Variants in HDX observed in about 807,000 individuals in gnomAD.
The protein encoded by HDX is chromosome X open reading frame 43.
In HDX, 19 loss-of-function variants were observed where a neutral mutation model predicts 45.2. The observed-to-expected ratio is 0.42, with a 90% CI of 0.29 to 0.62. The LOEUF (loss-of-function observed/expected upper bound fraction) is 0.62, where lower values mean the gene tolerates loss of function less well. Ranked by LOEUF, HDX falls within the 20% of genes least tolerant of loss-of-function variation. The probability of loss-of-function intolerance (pLI) is 0.20; values close to 1 mark genes in which losing one functional copy is unlikely to be tolerated. For missense variants in HDX, 532 were observed against 493.9 expected (o/e 1.08, Z -0.73); for synonymous variants, 188 against 172.8 (o/e 1.09, Z -0.69).
At chrX:84,488,979 T>C (rs2040845428) in intron 1 of HDX, among the ~76,000 whole-genome samples, 1 of 111,270 alleles carries the variant, frequency 9.0e-6, no homozygotes, top group Non-Finnish European at 1.9e-5. Flanking sequence ...AGCAATTCCC[T>C]CTCACTCTTA....
At chrX:84,415,141 C>A (rs1026066982) in intron 5 of HDX, among the ~76,000 whole-genome samples, 1 of 111,964 alleles carries the variant, frequency 8.9e-6, no homozygotes, top group African/African-American at 3.2e-5. Context: ...TGGAAACTTT[C>A]ATTTCTTGTG....
At chrX:84,499,659 T>G (rs1450368970) in intron 1 of HDX, among the ~76,000 whole-genome samples, 1 of 112,103 alleles carries the variant, frequency 8.9e-6, no homozygotes, top group African/African-American at 3.2e-5. Flanking sequence ...CAGACTGCTT[T>G]TAATCTATGT....
At chrX:84,337,126 C>T (rs2036983525) in intron 7 of HDX, among the ~76,000 whole-genome samples, 2 of 109,794 alleles carry the variant, frequency 1.8e-5, no homozygotes, top group Non-Finnish European at 3.8e-5. Context: ...AAACTGTATC[C>T]TTAACAATGG....
chrX:84,466,979 T>A (rs1324940010), intron 4 of HDX, among the ~76,000 whole-genome samples: 1 of 111,456 alleles, frequency 9.0e-6, no homozygotes, highest in Non-Finnish European at 1.9e-5. Flanking sequence ...CTACTATTAT[T>A]AAGAACAACA....
chrX:84,330,390 T>C, intron 9 of HDX, among the ~76,000 whole-genome samples: 1 of 111,862 alleles, frequency 8.9e-6, no homozygotes, highest in African/African-American at 3.2e-5. Flanking sequence ...TTTTGTTGTT[T>C]CAATTGAGAG....
intron 3 of HDX, among the ~76,000 whole-genome samples, chrX:84,472,300 CA>C (rs1419586382): frequency 9.0e-6 from 1 of 111,063 alleles, no homozygotes; most frequent in Non-Finnish European, 1.9e-5. Context: ...GTGTACCCAT[CA>C]AAAAGTAAAA....
In HDX at chrX:84,361,559, A is replaced by G. The variant is rs747518037; in HGVS notation, c.1359T>C (p.Tyr453=). The G allele has an allele frequency of 5.8e-6, 7 of 1,204,448 alleles. No homozygotes were observed. In the South Asian group the frequency reaches 8.9e-5, roughly 15 times the overall value. ...SDRDLATLKK[Y]WDNGMTSLGS... ...CCAGGCTGGTCATGCCATTGTCCCA[A>G]TACTTCTTAAGGGTGGCTAAGTCTC... The change falls in exon 6 of 11, where the codon TAT becomes TAC. Residue 453 remains tyrosine, a synonymous_variant. Coordinates refer to ENST00000373177, the MANE Select transcript of HDX (RefSeq NM_001177479.2).
At chrX:84,459,504 A>G (rs979777867) in intron 4 of HDX, among the ~76,000 whole-genome samples, 10 of 111,431 alleles carry the variant, frequency 9.0e-5, no homozygotes, top group Non-Finnish European at 1.9e-4. Flanking sequence ...AACAAATGAA[A>G]ATGATAAAAC....
intron 3 of HDX, 26 bp from the exon 4 acceptor site, chrX:84,469,601 G>GAA: frequency 9.2e-7 from 1 of 1,088,023 alleles, no homozygotes; most frequent in Non-Finnish European, 1.2e-6. Flanking sequence ...ATGGTATTAT[G>GAA]AAAAAAAAAT....
intron 5 of HDX, among the ~76,000 whole-genome samples, chrX:84,401,481 G>C (rs1230688750): frequency 2.7e-5 from 3 of 112,124 alleles, no homozygotes; most frequent in Non-Finnish European, 5.6e-5. Flanking sequence ...GATCATTAGA[G>C]AAATGCAAAT....
chrX:84,404,516 T>G (rs2038773951), intron 5 of HDX, among the ~76,000 whole-genome samples: 1 of 111,413 alleles, frequency 9.0e-6, no homozygotes, highest in Admixed American at 9.6e-5. Context: ...ACCAATTCAA[T>G]TCAATATGTT....
rs757368635 is a variant in HDX at position 84,440,595 on chromosome X, C to T, written c.1252-10G>A. The T allele has an allele frequency of 8.8e-7, 1 of 1,136,108 alleles. No individual in the cohort carries two copies. The highest frequency in any genetic ancestry group is 1.8e-5 in the African/African-American group (1 of 55,474). 93.6% of individuals were successfully genotyped at this position (1,136,108 alleles called of 1,213,427 possible). On this transcript the variant is annotated splice_polypyrimidine_tract_variant and intron_variant, in intron 4 of 10. Coordinates refer to ENST00000373177, the MANE Select transcript of HDX (RefSeq NM_001177479.2). The stretch of plus-strand genomic sequence containing the variant: ...TAAGGTTTCCTGAAATCTGTGAAAA[C>T]AATAAATGGAATCTCAGTAAGCTAT...
intron 1 of HDX, among the ~76,000 whole-genome samples, chrX:84,494,980 G>T (rs1217879758): frequency 9.0e-6 from 1 of 111,351 alleles, no homozygotes; most frequent in Non-Finnish European, 1.9e-5. Flanking sequence ...AGAAAATGTG[G>T]CATATATACA....
intron 5 of HDX, among the ~76,000 whole-genome samples, chrX:84,381,494 T>C (rs1322488895): frequency 9.0e-6 from 1 of 110,500 alleles, no homozygotes; most frequent in Non-Finnish European, 1.9e-5. Context: ...GCATAAGAAA[T>C]AGACATGTAG....
At chrX:84,496,801 T>A (rs374075025) in intron 1 of HDX, among the ~76,000 whole-genome samples, 2 of 112,017 alleles carry the variant, frequency 1.8e-5, no homozygotes, top group South Asian at 7.4e-4. Flanking sequence ...TAATACCTAA[T>A]GTAATATTTC....
chrX:84,355,263 A>G, intron 6 of HDX, among the ~76,000 whole-genome samples: 1 of 110,805 alleles, frequency 9.0e-6, no homozygotes, highest in East Asian at 2.9e-4. Flanking sequence ...TGACCATGCA[A>G]GGGTACACTT....
chrX:84,438,128 T>A lies in HDX; in HGVS notation c.1305+2404A>T, dbSNP rs942298549. Among the ~76,000 whole-genome samples the A allele has an allele frequency of 5.4e-5, 6 of 111,015 alleles. No homozygotes were observed. In the East Asian group the frequency reaches 1.7e-3, roughly 32 times the overall value. Reference sequence around the variant, plus strand: ...GGAGACATGAGGTTCCTGGCTTGAATCCCCTTTTAATGTTAAGTGGGGGAC... The same window carrying A: ...GGAGACATGAGGTTCCTGGCTTGAAACCCCTTTTAATGTTAAGTGGGGGAC... On this transcript the variant is annotated intron_variant, in intron 5 of 10. Transcript: ENST00000373177.
chrX:84,355,485 A>G (rs763276659), intron 6 of HDX, among the ~76,000 whole-genome samples: 1 of 111,804 alleles, frequency 8.9e-6, no homozygotes, highest in Admixed American at 9.5e-5. Flanking sequence ...TCCTTGAGAG[A>G]GTTGCATTTT....
chrX:84,321,918 A>G lies in HDX; in HGVS notation c.2044T>C (p.Ser682Pro), dbSNP rs1192373581. Residue 682 changes from serine to proline, a missense_variant, in exon 11 of 11, where the codon TCA becomes CCA. Physicochemically the swap from Ser to Pro is moderately conservative, Grantham distance 74. Around this residue, in one of 3 missense-constraint regions of HDX, gnomAD observed 151 missense variants for 131.8 expected, o/e 1.15. Coordinates refer to ENST00000373177, the MANE Select transcript of HDX (RefSeq NM_001177479.2). Reference sequence around the variant, plus strand: ...AAACTTTCTGAGACATTTTTCTCTGACAAAGAAGATACACTGAATGAGGTA... The same window carrying G: ...AAACTTTCTGAGACATTTTTCTCTGGCAAAGAAGATACACTGAATGAGGTA... Reference protein sequence around the residue: ...DDTSFSVSSLSEKNVSESL With the variant: ...DDTSFSVSSLPEKNVSESL 2 of 1,191,052 alleles carry G rather than the reference A, an allele frequency of 1.7e-6. No homozygotes were observed. The highest frequency in any genetic ancestry group is 1.1e-6 in the Non-Finnish European group (1 of 881,240).
Sources: gnomAD v4.1 joint callset for allele counts (sites outside exome capture counted in the v4.1 genomes callset) on GRCh38, gnomAD v4.1.1 for gene constraint, gnomAD v4.1.1 regional missense constraint, MANE v1.5 for transcripts, NCBI Gene and HGNC (gene_info 2026-07-23, HGNC 2026-07-21) for gene names.